SLCO3A1: variants seen among roughly 807,000 people sequenced by gnomAD.
SLCO3A1 encodes PGE1 transporter.
In SLCO3A1, 27 loss-of-function variants were observed where a neutral mutation model predicts 63.1. That is an observed-to-expected ratio of 0.43 (90% CI 0.32 to 0.59). The LOEUF is 0.59. SLCO3A1 is among the 20% of genes least tolerant of loss of function. SLCO3A1 has a pLI of 0.09. For synonymous variants in SLCO3A1, 473 were observed against 409.9 expected, an observed-to-expected ratio of 1.15 and a Z score of -1.86; for missense variants, 773 against 945.8, an observed-to-expected ratio of 0.82 and a Z score of 2.40.
At chr15:92,104,626 TG>T (rs2047646092) in intron 4 of SLCO3A1, 84 bp downstream of exon 4, 1 of 1,345,478 alleles carries the variant, frequency 7.4e-7, no homozygotes, top group Non-Finnish European at 1.0e-6. Context: ...CACCCAGGAC[TG>T]GGGTGCTTGG....
At position 91,872,648 on chromosome 15, in the gene SLCO3A1, G is replaced by A. The variant is rs1373374299; in HGVS notation, c.180+18560G>A. On this transcript the variant is annotated intron_variant, in intron 1 of 9. Transcript: ENST00000318445. The surrounding 1 kb of genome is among the most constrained non-coding windows in gnomAD (Gnocchi z 4.1). ...TCCAGCTCTAAATTCCCTTCTCTTT[G>A]ATCACACCACGCCTTGAAAAAATTC... Among the ~76,000 whole-genome samples the A allele has an allele frequency of 6.6e-6, 1 of 152,172 alleles. No individual in the cohort carries two copies. The highest frequency in any genetic ancestry group is 1.9e-4 in the East Asian group (1 of 5,198).
intron 9 of SLCO3A1, among the ~76,000 whole-genome samples, chr15:92,161,392 G>T (rs553208210): frequency 6.6e-5 from 10 of 152,262 alleles, no homozygotes; most frequent in African/African-American, 2.4e-4. Context: ...GGGCAGCCAG[G>T]TCTGATAACT....
chr15:91,886,946 C>T lies in SLCO3A1; in HGVS notation c.181-29047C>T, dbSNP rs576441942. Among the ~76,000 whole-genome samples the T allele has an allele frequency of 3.9e-5, 6 of 152,128 alleles. No homozygotes were observed. Among genetic ancestry groups the T allele is most frequent in the Non-Finnish European group, 5.9e-5 (4 of 68,032 alleles). ...CTGCTTACAGCTGAAGTTGCAGTTG[C>T]GTGGGAGAGGGAGCAGGAGTTTATT... is the stretch of plus-strand genomic sequence containing the variant. On this transcript the variant is annotated intron_variant, in intron 1 of 9. Transcript: ENST00000318445. This position sits in a 1 kb window ranked among gnomAD's most constrained non-coding sequence, Gnocchi z 4.9.
At chr15:92,089,855 A>C (rs1296920275) in intron 2 of SLCO3A1, among the ~76,000 whole-genome samples, 1 of 152,170 alleles carries the variant, frequency 6.6e-6, no homozygotes, top group South Asian at 2.1e-4. Flanking sequence ...TTGAGATAAT[A>C]AGCTTCTCAG....
intron 6 of SLCO3A1, 115 bp downstream of exon 6, chr15:92,126,374 C>CGGCTGCCTCTGCA (rs975020307): frequency 1.3e-5 from 10 of 794,592 alleles, no homozygotes; most frequent in Admixed American, 8.3e-5. Context: ...AGACGCATCA[C>CGGCTGCCTCTGCA]GGCTGCCTCT....
chr15:91,918,448 C>A (rs1443735898), intron 2 of SLCO3A1, among the ~76,000 whole-genome samples: 2 of 152,132 alleles, frequency 1.3e-5, no homozygotes, highest in African/African-American at 4.8e-5. Context: ...CATCGTAGCC[C>A]ATGCCATGGA....
chr15:92,125,981 C>T lies in SLCO3A1; in HGVS notation c.1175-80C>T, dbSNP rs2047916802. 5 of 1,247,732 alleles carry T rather than the reference C, an allele frequency of 4.0e-6. No individual in the cohort carries two copies. The East Asian group carries it at 1.2e-4, about 30-fold the overall frequency. The allele number at this position is 1,247,732 out of a possible 1,614,324, so 77.3% of individuals were successfully genotyped here. A position where few individuals can be genotyped will look rare whatever the true frequency, so the allele number is the denominator to read the frequency against. On this transcript the variant is annotated intron_variant, in intron 5 of 9. Transcript: ENST00000318445. ...GTCATAGGGCATTCACGGGACTCAG[C>T]CTCAGGCCTGCTGCCCGCCTGTCTG...
At chr15:92,064,591 A>G (rs1017479497) in intron 2 of SLCO3A1, among the ~76,000 whole-genome samples, 1 of 152,216 alleles carries the variant, frequency 6.6e-6, no homozygotes, top group African/African-American at 2.4e-5. Context: ...ACATTCAAAC[A>G]CTACTCACGA....
At chr15:92,031,074 A>G (rs2046642426) in intron 2 of SLCO3A1, among the ~76,000 whole-genome samples, 2 of 152,146 alleles carry the variant, frequency 1.3e-5, no homozygotes, top group East Asian at 1.9e-4. Flanking sequence ...AATGTTGCCA[A>G]TGTCTGCTAT....
Position 91,872,131 on chromosome 15 carries a change from G to C in SLCO3A1, c.180+18043G>C, listed in dbSNP as rs2151334947. Among the ~76,000 whole-genome samples the C allele has an allele frequency of 6.6e-6, 1 of 152,262 alleles. No homozygotes were observed. The highest frequency in any genetic ancestry group is 6.5e-5 in the Admixed American group (1 of 15,306). ...TGCCTTCGTCGAGGATGTGGTGTGT[G>C]CCCGGGAGGACACAAGCAGTCTGAT... is the stretch of plus-strand genomic sequence containing the variant. On this transcript the variant is annotated intron_variant, in intron 1 of 9. Transcript: ENST00000318445. The surrounding 1 kb of genome is among the most constrained non-coding windows in gnomAD (Gnocchi z 4.1).
intron 2 of SLCO3A1, among the ~76,000 whole-genome samples, chr15:91,940,543 C>A (rs566992189): frequency 6.6e-6 from 1 of 152,304 alleles, no homozygotes; most frequent in Non-Finnish European, 1.5e-5. Context: ...CAAATCAGTG[C>A]TTAAACTGAT....
chr15:92,051,814 C>T (rs1351993453), intron 2 of SLCO3A1, among the ~76,000 whole-genome samples: 1 of 152,148 alleles, frequency 6.6e-6, no homozygotes, highest in Admixed American at 6.5e-5. Context: ...TCCTCCCTCT[C>T]CTTTTAGTTC....
chr15:92,067,124 G>A (rs974167961), intron 2 of SLCO3A1, among the ~76,000 whole-genome samples: 2 of 152,204 alleles, frequency 1.3e-5, no homozygotes, highest in African/African-American at 4.8e-5. Context: ...CAGGAGGTAT[G>A]TTTTTGCAGG....
At chr15:92,059,082 C>T (rs1287107652) in intron 2 of SLCO3A1, among the ~76,000 whole-genome samples, 1 of 152,222 alleles carries the variant, frequency 6.6e-6, no homozygotes, top group African/African-American at 2.4e-5. Flanking sequence ...CACTCTGTCA[C>T]TGCTCTGTCA....
At chr15:91,906,509 A>G (rs1302418138) in intron 1 of SLCO3A1, among the ~76,000 whole-genome samples, 1 of 152,224 alleles carries the variant, frequency 6.6e-6, no homozygotes, top group Non-Finnish European at 1.5e-5. Flanking sequence ...GCCCTAGGGC[A>G]TATAAAGAAG....
intron 1 of SLCO3A1, among the ~76,000 whole-genome samples, chr15:91,861,451 G>T (rs1288428183): frequency 6.6e-6 from 1 of 152,154 alleles, no homozygotes; most frequent in African/African-American, 2.4e-5. Context: ...CGATTGTTTA[G>T]TAGAAACGGT....
intron 1 of SLCO3A1, among the ~76,000 whole-genome samples, chr15:91,867,002 A>G (rs978799769): frequency 6.6e-6 from 1 of 152,040 alleles, no homozygotes; most frequent in Non-Finnish European, 1.5e-5. Flanking sequence ...GGCTGCGGAG[A>G]GTCATTGGAG....
At chr15:91,923,803 C>T (rs1307324638) in intron 2 of SLCO3A1, among the ~76,000 whole-genome samples, 3 of 152,124 alleles carry the variant, frequency 2.0e-5, no homozygotes, top group African/African-American at 7.2e-5. Context: ...TATAAATAAA[C>T]CTGCTTTTTA....
At chr15:91,961,025 TC>T (rs1381381498) in intron 2 of SLCO3A1, among the ~76,000 whole-genome samples, 1 of 152,198 alleles carries the variant, frequency 6.6e-6, no homozygotes, top group African/African-American at 2.4e-5. Context: ...TTTATTTTAC[TC>T]CGCTCTCAGG....
Sources: gnomAD v4.1 joint callset for allele counts (sites outside exome capture counted in the v4.1 genomes callset) on GRCh38, gnomAD v4.1.1 for gene constraint, Gnocchi (gnomAD v3.1) non-coding constraint, MANE v1.5 for transcripts, NCBI Gene and HGNC (gene_info 2026-07-23, HGNC 2026-07-21) for gene names.